CMTM1: variants seen among roughly 807,000 people sequenced by gnomAD.
CMTM1 encodes the protein CKLF like MARVEL transmembrane domain containing 1.
CMTM1 carries 16 observed loss-of-function variants against 17.8 expected under a neutral mutation model. The ratio of observed to expected loss-of-function variants is 0.90; its 90% CI spans 0.61 to 1.37. CMTM1 has a LOEUF of 1.37. Ranked by LOEUF, CMTM1 falls within the 40% of genes most tolerant of loss-of-function variation. The probability of loss-of-function intolerance (pLI) is 0.00; values close to 1 mark genes in which losing one functional copy is unlikely to be tolerated. For synonymous variants in CMTM1, 169 were observed against 154.6 expected, an observed-to-expected ratio of 1.09 and a Z score of -0.69; for missense variants, 354 against 375.6, an observed-to-expected ratio of 0.94 and a Z score of 0.47.
intron 2 of CMTM1, among the ~76,000 whole-genome samples, chr16:66,572,583 G>C (rs960966620): frequency 3.3e-5 from 5 of 152,168 alleles, no homozygotes; most frequent in African/African-American, 1.2e-4. Flanking sequence ...GATAAGGTCA[G>C]TGCAGGAAGC....
At chr16:66,577,733 T>C (rs574759081) in intron 3 of CMTM1, among the ~76,000 whole-genome samples, 1 of 152,284 alleles carries the variant, frequency 6.6e-6, no homozygotes, top group Non-Finnish European at 1.5e-5. Context: ...TGTACAGATA[T>C]AGGAACTGAG....
At chr16:66,571,658 G>C (rs1025339248) in intron 2 of CMTM1, among the ~76,000 whole-genome samples, 1 of 152,132 alleles carries the variant, frequency 6.6e-6, no homozygotes, top group Admixed American at 6.5e-5. Context: ...TTAAAATACA[G>C]CACCAAAGGT....
Position 66,579,059 on chromosome 16 carries a change from A to G in CMTM1, c.*58A>G. 1 of 1,583,036 alleles carries G rather than the reference A, an allele frequency of 6.3e-7. No individual in the cohort carries two copies. Among genetic ancestry groups the G allele is most frequent in the Non-Finnish European group, 8.6e-7 (1 of 1,166,316 alleles). ...CTGTCGAATCGCTGCCTCCGAGCCC[A>G]CCCCCGAGCTCGCATGCTGTCACCC... On this transcript the variant is annotated 3_prime_UTR_variant, in exon 4 of 4. Transcript: ENST00000379500. The surrounding 1 kb of genome is among the most constrained non-coding windows in gnomAD (Gnocchi z 6.5).
intron 3 of CMTM1, 125 bp downstream of exon 3, chr16:66,577,327 C>T: frequency 1.5e-6 from 1 of 667,616 alleles, no homozygotes; most frequent in Non-Finnish European, 2.6e-6. Context: ...CTCCTTCTTG[C>T]ACTGACTTCT....
chr16:66,578,912 T>C lies in CMTM1; in HGVS notation c.772T>C (p.Phe258Leu). 6.2e-7 allele frequency: 1 copy of C among 1,614,184 alleles called. No homozygotes were observed. Among genetic ancestry groups the C allele is most frequent in the Non-Finnish European group, 8.5e-7 (1 of 1,180,014 alleles). Reference protein sequence around the residue: ...TTKMRTNLKRFLGVEVERKLS... With the variant: ...TTKMRTNLKRLLGVEVERKLS... ...GAAGATGAGGACCAACTTGAAAAGA[T>C]TCCTGGGAGTCGAAGTTGAAAGGAA... Residue 258 changes from phenylalanine (F) to leucine (L), a missense_variant, in exon 4 of 4, where the codon TTC (phenylalanine) becomes CTC (leucine). Coordinates refer to ENST00000379500, the MANE Select transcript of CMTM1 (RefSeq NM_052999.4).
In CMTM1 at chr16:66,566,544, T is replaced by C; in HGVS notation, c.31T>C (p.Ser11Pro). The C allele has an allele frequency of 6.2e-7, 1 of 1,613,034 alleles. No individual in the cohort carries two copies. Among genetic ancestry groups the C allele is most frequent in the South Asian group, 1.1e-5 (1 of 91,042 alleles). Residue 11 changes from serine to proline, a missense_variant, in exon 1 of 4, where the codon TCC becomes CCC. Coordinates refer to ENST00000379500, the MANE Select transcript of CMTM1 (RefSeq NM_052999.4). This position sits in a 1 kb window ranked among gnomAD's most constrained non-coding sequence, Gnocchi z 4.9. ...TCCTGAACACGCCAAACCTGAGTCA[T>C]CCGAGGCACCTTCAGGGAACTTGAA... MDPEHAKPES[S>P]EAPSGNLKQP...
Sources: allele counts gnomAD v4.1 joint callset (sites outside exome capture counted in the v4.1 genomes callset), GRCh38; gene constraint gnomAD v4.1.1; non-coding constraint Gnocchi (gnomAD v3.1); transcripts MANE v1.5; gene names NCBI Gene and HGNC (gene_info 2026-07-23, HGNC 2026-07-21).